The following PARD3 variants were observed in gnomAD, a reference collection of about 807,000 sequenced individuals.
PARD3 encodes partitioning defective 3 homolog.
Under a neutral mutation model 155.4 loss-of-function variants are expected in PARD3, and 75 were observed. The ratio of observed to expected loss-of-function variants is 0.48; its 90% CI spans 0.40 to 0.58. The LOEUF (loss-of-function observed/expected upper bound fraction) is 0.58, where lower values mean the gene tolerates loss of function less well. Ranked by LOEUF, PARD3 falls within the 20% of genes least tolerant of loss-of-function variation. The probability of loss-of-function intolerance (pLI) is 0.00; values close to 1 mark genes in which losing one functional copy is unlikely to be tolerated. For synonymous variants in PARD3, 576 were observed against 610.5 expected (o/e 0.94, Z 0.83); for missense variants, 1,642 against 1,721.7 (o/e 0.95, Z 0.82).
chr10:34,746,019 G>A (rs1835272863), intron 1 of PARD3, among the ~76,000 whole-genome samples: 2 of 151,940 alleles, frequency 1.3e-5, no homozygotes, highest in African/African-American at 2.4e-5. Context: ...GGAGAATGGC[G>A]TGAATCCAGG....
At chr10:34,749,197 T>C (rs558517191) in intron 1 of PARD3, among the ~76,000 whole-genome samples, 2 of 152,374 alleles carry the variant, frequency 1.3e-5, no homozygotes, top group South Asian at 2.1e-4. Context: ...TGGTAGACCA[T>C]GATGTCCTGA....
At chr10:34,715,189 T>C (rs2094502339) in intron 1 of PARD3, among the ~76,000 whole-genome samples, 1 of 151,756 alleles carries the variant, frequency 6.6e-6, no homozygotes, top group Non-Finnish European at 1.5e-5. Context: ...GCAACCCACC[T>C]GCCTCAGCCT....
At chr10:34,334,361 A>G (rs1835931506) in intron 18 of PARD3, among the ~76,000 whole-genome samples, 3 of 151,124 alleles carry the variant, frequency 2.0e-5, no homozygotes, top group African/African-American at 4.8e-5. Flanking sequence ...AAAAAAAAAA[A>G]AAAGAAAGGA....
chr10:34,196,568 C>CA (rs1950944616), intron 22 of PARD3, among the ~76,000 whole-genome samples: 1 of 97,422 alleles, frequency 1.0e-5, no homozygotes, highest in African/African-American at 4.4e-5. Flanking sequence ...GTACCCTTTT[C>CA]TTTTTTTTTT....
chr10:34,729,810 G>C (rs1468658452), intron 1 of PARD3, among the ~76,000 whole-genome samples: 2 of 152,148 alleles, frequency 1.3e-5, no homozygotes, highest in Non-Finnish European at 2.9e-5. Context: ...ATGGTCCAAG[G>C]AGTTCCTTGT....
chr10:34,228,932 C>T (rs1258066676), intron 22 of PARD3, among the ~76,000 whole-genome samples: 2 of 151,960 alleles, frequency 1.3e-5, no homozygotes, highest in South Asian at 2.1e-4. Flanking sequence ...GTCACCACAC[C>T]TCGTCTGAGA....
chr10:34,665,840 A>ACAACAGAACAGAACAAACAGAAC (rs1554804220), intron 2 of PARD3, among the ~76,000 whole-genome samples: 1 of 136,584 alleles, frequency 7.3e-6, no homozygotes, highest in African/African-American at 2.9e-5. Flanking sequence ...GTCTCAATTA[A>ACAACAGAACAGAACAAACAGAAC]AGAACAGAAC....
At chr10:34,483,355 ATCTG>A (rs1359499310) in intron 3 of PARD3, among the ~76,000 whole-genome samples, 9 of 151,832 alleles carry the variant, frequency 5.9e-5, no homozygotes, top group Non-Finnish European at 1.0e-4. Context: ...AGTGGCACGC[ATCTG>A]TGGTCCCAGC....
At chr10:34,539,076 G>T (rs1485022902) in intron 2 of PARD3, among the ~76,000 whole-genome samples, 1 of 152,174 alleles carries the variant, frequency 6.6e-6, no homozygotes, top group Non-Finnish European at 1.5e-5. Flanking sequence ...TTTTGCTACA[G>T]AAATACCAAA....
intron 2 of PARD3, among the ~76,000 whole-genome samples, chr10:34,648,828 A>C (rs1002917319): frequency 6.6e-6 from 1 of 152,190 alleles, no homozygotes; most frequent in Non-Finnish European, 1.5e-5. Context: ...AAGCCCAGCA[A>C]TCTCAGAGGG....
intron 3 of PARD3, among the ~76,000 whole-genome samples, chr10:34,506,130 GA>G (rs546570367): frequency 6.6e-6 from 1 of 150,826 alleles, no homozygotes; most frequent in Non-Finnish European, 1.5e-5. Context: ...CATCAAAAAG[GA>G]AAAAAAAGAG....
chr10:34,485,157 G>C (rs2079366378), intron 3 of PARD3, among the ~76,000 whole-genome samples: 1 of 152,116 alleles, frequency 6.6e-6, no homozygotes, highest in Non-Finnish European at 1.5e-5. Flanking sequence ...GACCAACATG[G>C]TGCAACCCCA....
chr10:34,274,717 A>G (rs1955793813), intron 21 of PARD3, among the ~76,000 whole-genome samples: 1 of 152,280 alleles, frequency 6.6e-6, no homozygotes, highest in East Asian at 1.9e-4. Context: ...CCAAAAATCA[A>G]AGAGAAGGAC....
intron 10 of PARD3, among the ~76,000 whole-genome samples, chr10:34,376,154 T>C (rs1486844877): frequency 1.3e-5 from 2 of 152,206 alleles, no homozygotes; most frequent in Non-Finnish European, 2.9e-5. Flanking sequence ...AGTATCAATA[T>C]TGTATAGCTA....
Position 34,149,117 on chromosome 10 carries a change from T to C in PARD3, c.3420-17534A>G, listed in dbSNP as rs181625377. 2.8e-3 allele frequency among the ~76,000 whole-genome samples: 431 copies of C among 152,258 alleles called. 2 individuals carry two copies. Among genetic ancestry groups the C allele is most frequent in the African/African-American group, 0.01 (419 of 41,560 alleles). ...TCTTATAATTGATTAAAAATGGTGA[T>C]GGTATGTATTAAAATTAGCACTACC... On this transcript the variant is annotated intron_variant, in intron 22 of 24. Transcript: ENST00000374788.
chr10:34,749,788 A>T (rs1835759491), intron 1 of PARD3, among the ~76,000 whole-genome samples: 1 of 152,106 alleles, frequency 6.6e-6, no homozygotes, highest in South Asian at 2.1e-4. Context: ...TTTGAGAGGC[A>T]GGAGGGCAGA....
At chr10:34,622,487 C>T (rs562892141) in intron 2 of PARD3, among the ~76,000 whole-genome samples, 1 of 152,266 alleles carries the variant, frequency 6.6e-6, no homozygotes, top group East Asian at 1.9e-4. Flanking sequence ...TAGAAAAGCA[C>T]AGGTTCAAAA....
chr10:34,468,713 CTT>C (rs1473805378), intron 4 of PARD3, among the ~76,000 whole-genome samples: 1 of 152,092 alleles, frequency 6.6e-6, no homozygotes, highest in East Asian at 1.9e-4. Context: ...TAAATATACT[CTT>C]TTTTTCAACT....
At chr10:34,735,858 T>A (rs2094904151) in intron 1 of PARD3, among the ~76,000 whole-genome samples, 1 of 152,152 alleles carries the variant, frequency 6.6e-6, no homozygotes, top group Non-Finnish European at 1.5e-5. Context: ...ATATTTTTTA[T>A]ATATATGGTA....
Sources: gnomAD v4.1 joint callset for allele counts (sites outside exome capture counted in the v4.1 genomes callset) on GRCh38, gnomAD v4.1.1 for gene constraint, MANE v1.5 for transcripts, NCBI Gene and HGNC (gene_info 2026-07-23, HGNC 2026-07-21) for gene names.